The following NRG2 variants were observed in gnomAD, a reference collection of about 807,000 sequenced individuals.
The protein encoded by NRG2 is pro-neuregulin-2, membrane-bound isoform.
In NRG2, 27 loss-of-function variants were observed where a neutral mutation model predicts 73.9. The observed-to-expected ratio is 0.37, with a 90% CI of 0.27 to 0.50. NRG2 has a LOEUF of 0.50. Ranked by LOEUF, NRG2 falls within the 20% of genes least tolerant of loss-of-function variation. The probability of loss-of-function intolerance (pLI) is 0.96; values close to 1 mark genes in which losing one functional copy is unlikely to be tolerated. For synonymous variants in NRG2, 532 were observed against 541.0 expected, an observed-to-expected ratio of 0.98 and a Z score of 0.23; for missense variants, 1,126 against 1,210.1, an observed-to-expected ratio of 0.93 and a Z score of 1.03.
chr5:139,861,947 G>A (rs73791213), intron 5 of NRG2, among the ~76,000 whole-genome samples: 1,946 of 152,310 alleles, frequency 0.013, 38 homozygotes, highest in African/African-American at 0.044. Flanking sequence ...CCCACTTTCC[G>A]ACGAGGTGGT....
Position 139,853,127 on chromosome 5 carries a change from A to G in NRG2, c.1293-100T>C. On this transcript the variant is annotated intron_variant, in intron 6 of 9. Transcript: ENST00000361474. The surrounding 1 kb of genome is among the most constrained non-coding windows in gnomAD (Gnocchi z 4.1). Reference sequence around the variant, plus strand: ...AGGGAAACAGCTTTTCCTCCTGCCCAGGGTGGCCATGGCTACTGCTCGTCC... The same window carrying G: ...AGGGAAACAGCTTTTCCTCCTGCCCGGGGTGGCCATGGCTACTGCTCGTCC... 6.5e-7 allele frequency: 1 copy of G among 1,539,102 alleles called. No homozygotes were observed. The highest frequency in any genetic ancestry group is 8.8e-7 in the Non-Finnish European group (1 of 1,136,662).
intron 1 of NRG2, among the ~76,000 whole-genome samples, chr5:139,903,143 G>T (rs965357554): frequency 3.3e-5 from 5 of 151,906 alleles, no homozygotes; most frequent in Admixed American, 6.6e-5. Context: ...CCAGCTTCCC[G>T]TCAAACGCTC....
chr5:139,988,159 G>A (rs757075504), intron 1 of NRG2, among the ~76,000 whole-genome samples: 6 of 152,020 alleles, frequency 3.9e-5, no homozygotes, highest in East Asian at 1.9e-4. Context: ...CCAAATGCTG[G>A]TGAGGATGTG....
chr5:139,985,804 C>T (rs1757131094), intron 1 of NRG2, among the ~76,000 whole-genome samples: 1 of 152,172 alleles, frequency 6.6e-6, no homozygotes, highest in Admixed American at 6.5e-5. Flanking sequence ...ACACCTTTCG[C>T]TTCATTGAGC....
In NRG2 at chr5:139,904,425, G is replaced by C. The variant is rs748615118; in HGVS notation, c.701-16914C>G. ...TGCACGGGGTCCCAGGCGGTGGGAC[G>C]GCCTCAGCTCTCCGCTGCCGCGCTG... On this transcript the variant is annotated intron_variant, in intron 1 of 9. Coordinates refer to ENST00000361474, the MANE Select transcript of NRG2 (RefSeq NM_004883.3). The surrounding 1 kb of genome is among the most constrained non-coding windows in gnomAD (Gnocchi z 6.0). The C allele has an allele frequency of 2.9e-6, 4 of 1,365,446 alleles. No individual in the cohort carries two copies. Among genetic ancestry groups the C allele is most frequent in the Non-Finnish European group, 3.1e-6 (3 of 982,766 alleles). The allele number at this position is 1,365,446 out of a possible 1,614,324, so 84.6% of individuals were successfully genotyped here. A position where few individuals can be genotyped will look rare whatever the true frequency, so the allele number is the denominator to read the frequency against.
chr5:139,952,363 G>A (rs574212299), intron 1 of NRG2, among the ~76,000 whole-genome samples: 2 of 152,320 alleles, frequency 1.3e-5, no homozygotes, highest in Non-Finnish European at 2.9e-5. Context: ...AAGAGGAAAA[G>A]AGGAAAATGA....
At chr5:139,928,101 T>C (rs1198654806) in intron 1 of NRG2, among the ~76,000 whole-genome samples, 6 of 152,060 alleles carry the variant, frequency 3.9e-5, no homozygotes, top group Non-Finnish European at 7.4e-5. Flanking sequence ...AAAGGCAAGA[T>C]ACAAAAAGGA....
chr5:140,042,012 T>C (rs1291193230), intron 1 of NRG2, among the ~76,000 whole-genome samples: 1 of 152,120 alleles, frequency 6.6e-6, no homozygotes, highest in African/African-American at 2.4e-5. Flanking sequence ...GGGTCACTCC[T>C]GACTCACTGA....
At position 139,954,008 on chromosome 5, in the gene NRG2, C is replaced by T. The variant is rs1408180077; in HGVS notation, c.701-66497G>A. Among the ~76,000 whole-genome samples, 1 of 151,964 alleles carries T rather than the reference C, an allele frequency of 6.6e-6. No homozygotes were observed. The highest frequency in any genetic ancestry group is 2.4e-5 in the African/African-American group (1 of 41,362). On this transcript the variant is annotated intron_variant, in intron 1 of 9. Coordinates refer to ENST00000361474, the MANE Select transcript of NRG2 (RefSeq NM_004883.3). The surrounding 1 kb of genome is among the most constrained non-coding windows in gnomAD (Gnocchi z 5.0). ...CCGAAGAGAACCTGAAAAAGTGGGC[C>T]AGAGTTGAGGGCAGGTAGCCTGCTC...
intron 1 of NRG2, among the ~76,000 whole-genome samples, chr5:140,040,705 C>T (rs2126713208): frequency 6.6e-6 from 1 of 152,294 alleles, no homozygotes; most frequent in South Asian, 2.1e-4. Context: ...ATCTATTTTC[C>T]ACTGTACAAT....
At chr5:139,944,807 T>C (rs1215229572) in intron 1 of NRG2, among the ~76,000 whole-genome samples, 4 of 152,218 alleles carry the variant, frequency 2.6e-5, no homozygotes, top group Non-Finnish European at 5.9e-5. Flanking sequence ...TAGTTCTATT[T>C]GTATTGTTCT....
intron 1 of NRG2, among the ~76,000 whole-genome samples, chr5:140,016,338 A>C (rs988333306): frequency 2.0e-5 from 3 of 152,242 alleles, no homozygotes; most frequent in African/African-American, 7.2e-5. Flanking sequence ...ATTTTGGACC[A>C]GATAATTTAA....
At position 139,847,357 on chromosome 5, in the gene NRG2, TACCCCA is replaced by T. The variant is rs1342738945; in HGVS notation, c.*554_*559del. The T allele has an allele frequency of 6.6e-6, 1 of 151,852 alleles. No individual in the cohort carries two copies. The highest frequency in any genetic ancestry group is 2.4e-5 in the African/African-American group (1 of 41,246). The allele number at this position is 151,852 out of a possible 1,614,324, so 9.4% of individuals were successfully genotyped here. Reference sequence around the variant, plus strand: ...TGTGTCTTTATCTCCCCCTGGAAGTTACCCCAGCTCCAGCTCCAAGCCTAGGGTCCT... The same window carrying T: ...TGTGTCTTTATCTCCCCCTGGAAGTTGCTCCAGCTCCAAGCCTAGGGTCCT... On this transcript the variant is annotated 3_prime_UTR_variant, in exon 10 of 10. Transcript: ENST00000361474.
intron 4 of NRG2, among the ~76,000 whole-genome samples, chr5:139,871,385 C>CAG (rs144810481): frequency 2.6e-5 from 4 of 151,098 alleles, no homozygotes; most frequent in African/African-American, 4.9e-5. Flanking sequence ...CTGAGGGAGG[C>CAG]AGAGAGAGAG....
At chr5:139,906,608 G>A (rs1419054112) in intron 1 of NRG2, among the ~76,000 whole-genome samples, 1 of 152,080 alleles carries the variant, frequency 6.6e-6, no homozygotes, top group Non-Finnish European at 1.5e-5. Flanking sequence ...ACTGTGTTTC[G>A]GGCACAGTGC....
intron 1 of NRG2, among the ~76,000 whole-genome samples, chr5:139,920,950 A>G (rs1380650671): frequency 6.6e-6 from 1 of 152,228 alleles, no homozygotes; most frequent in Non-Finnish European, 1.5e-5. Context: ...TTTCCTATAT[A>G]TTAGCAATGA....
chr5:139,921,903 A>G lies in NRG2; in HGVS notation c.701-34392T>C, dbSNP rs150261672. Among the ~76,000 whole-genome samples the G allele has an allele frequency of 3.4e-3, 523 of 152,014 alleles. 4 individuals are homozygous for G. Among genetic ancestry groups the G allele is most frequent in the African/African-American group, 0.012 (492 of 41,484 alleles). Reference sequence around the variant, plus strand: ...AGAGCGAAACACCAAAACACTCTACAAAAAATAAAAATAAAAAATTAGCCG... The same window carrying G: ...AGAGCGAAACACCAAAACACTCTACGAAAAATAAAAATAAAAAATTAGCCG... On this transcript the variant is annotated intron_variant, in intron 1 of 9. Transcript: ENST00000361474.
At chr5:139,982,956 T>G (rs1039136132) in intron 1 of NRG2, among the ~76,000 whole-genome samples, 1 of 152,222 alleles carries the variant, frequency 6.6e-6, no homozygotes, top group Non-Finnish European at 1.5e-5. Context: ...TTTATCAGGC[T>G]TTATCAGCCC....
rs1399829699 is a variant in NRG2 at position 139,912,908 on chromosome 5, A to T, written c.701-25397T>A. On this transcript the variant is annotated intron_variant, in intron 1 of 9. Transcript: ENST00000361474. ...GGGCCCTTTCTAGCAGTAAATCTTC[A>T]AAGAGGAGCCCTGAGTCTCCACATA... Among the ~76,000 whole-genome samples, 5 of 152,300 alleles carry T rather than the reference A, an allele frequency of 3.3e-5. No homozygotes were observed. In the East Asian group the frequency reaches 9.7e-4, roughly 29 times the overall value.
Sources: gnomAD v4.1 joint callset for allele counts (sites outside exome capture counted in the v4.1 genomes callset) on GRCh38, gnomAD v4.1.1 for gene constraint, Gnocchi (gnomAD v3.1) non-coding constraint, MANE v1.5 for transcripts, NCBI Gene and HGNC (gene_info 2026-07-23, HGNC 2026-07-21) for gene names.